The following PLCZ1 variants were observed in gnomAD, a reference collection of about 807,000 sequenced individuals.
The protein encoded by PLCZ1 is 1-phosphatidylinositol 4,5-bisphosphate phosphodiesterase zeta-1.
PLCZ1 carries 64 observed loss-of-function variants against 76.8 expected under a neutral mutation model. The observed-to-expected ratio is 0.83, with a 90% CI of 0.68 to 1.03. The LOEUF is 1.03. PLCZ1 is among the 50% of genes least tolerant of loss of function. The probability of loss-of-function intolerance (pLI) is 0.00; values close to 1 mark genes in which losing one functional copy is unlikely to be tolerated. For missense variants in PLCZ1, 751 were observed against 713.7 expected, an observed-to-expected ratio of 1.05 and a Z score of -0.60; for synonymous variants, 248 against 230.8, an observed-to-expected ratio of 1.07 and a Z score of -0.68.
rs1302217967 is a variant in PLCZ1, at chr12:18,723,434, C to T, written c.244G>A (p.Glu82Lys). 8 of 1,612,998 alleles carry T rather than the reference C, an allele frequency of 5.0e-6. No individual in the cohort carries two copies. Among genetic ancestry groups the T allele is most frequent in the Non-Finnish European group, 6.8e-6 (8 of 1,179,436 alleles). ...CTTGCTAAAAGAATTTTCCGGTTTTCAGAATATGTGTTGAAAATCTCAATA... is the reference window on the plus strand; with the variant it reads ...CTTGCTAAAAGAATTTTCCGGTTTTTAGAATATGTGTTGAAAATCTCAATA... Reference protein sequence around the residue: ...EIIEIFNTYSENRKILLASNL... With the variant: ...EIIEIFNTYSKNRKILLASNL... The change falls in exon 4 of 15, where the codon GAA (glutamate) becomes AAA (lysine). Residue 82 changes from glutamate (E) to lysine (K), a missense_variant. Glu to Lys is a moderately conservative substitution (Grantham distance 56). Coordinates refer to ENST00000266505, the MANE Select transcript of PLCZ1 (RefSeq NM_033123.4).
intron 13 of PLCZ1, among the ~76,000 whole-genome samples, chr12:18,686,156 T>C (rs1393462529): frequency 2.0e-5 from 3 of 151,962 alleles, no homozygotes. Context: ...TGCCACGGCC[T>C]CCTTTATACC....
chr12:18,733,109 C>A (rs1371142458), intron 3 of PLCZ1, among the ~76,000 whole-genome samples: 1 of 152,154 alleles, frequency 6.6e-6, no homozygotes, highest in Non-Finnish European at 1.5e-5. Flanking sequence ...CACATTCCTG[C>A]CAACACTTTT....
chr12:18,737,232 G>T, intron 2 of PLCZ1, 129 bp downstream of exon 2: 1 of 996,274 alleles, frequency 1.0e-6, no homozygotes, highest in Non-Finnish European at 1.6e-6. Flanking sequence ...AGAACAAACA[G>T]GGAAAAGCAG....
At chr12:18,677,745 A>T in the PLCZ1 span, among the ~76,000 whole-genome samples, 11 of 152,260 alleles carry the variant, frequency 7.2e-5, no homozygotes, top group African/African-American at 2.6e-4. Context: ...GTTAAGAACA[A>T]CTGGTCTACA....
At chr12:18,675,878 AG>A in the PLCZ1 span, among the ~76,000 whole-genome samples, 1 of 144,906 alleles carries the variant, frequency 6.9e-6, no homozygotes, top group Non-Finnish European at 1.5e-5. Flanking sequence ...GAAGGGTGGG[AG>A]GGGGGTGAGG....
chr12:18,727,761 G>A (rs1853244758), intron 3 of PLCZ1, among the ~76,000 whole-genome samples: 2 of 152,146 alleles, frequency 1.3e-5, no homozygotes, highest in East Asian at 1.9e-4. Flanking sequence ...AGATTACTCT[G>A]GCAGCAGTGT....
the PLCZ1 span, among the ~76,000 whole-genome samples, chr12:18,660,520 T>C: frequency 6.6e-6 from 1 of 152,022 alleles, no homozygotes; most frequent in Non-Finnish European, 1.5e-5. Context: ...GGACATTAAA[T>C]TAAAAGCAAC....
At chr12:18,685,416 T>A (rs1441041453) in intron 13 of PLCZ1, 17 of 189,740 alleles carry the variant, frequency 9.0e-5, no homozygotes, top group Admixed American at 8.7e-4. Flanking sequence ...TGGAGAAGAA[T>A]CATGTGTATT....
At chr12:18,702,281 C>T (rs1481506153) in intron 7 of PLCZ1, among the ~76,000 whole-genome samples, 1 of 151,926 alleles carries the variant, frequency 6.6e-6, no homozygotes, top group Non-Finnish European at 1.5e-5. Flanking sequence ...TTCTGTATTA[C>T]ACATAAACAT....
chr12:18,705,434 A>G, intron 6 of PLCZ1, 119 bp from the exon 7 acceptor site: 6 of 1,272,462 alleles, frequency 4.7e-6, no homozygotes, highest in South Asian at 1.3e-5. Flanking sequence ...CCTTTGCAAA[A>G]TAACTATTCT....
intron 12 of PLCZ1, among the ~76,000 whole-genome samples, chr12:18,689,885 AG>A (rs144919808): frequency 0.041 from 6,275 of 152,216 alleles, 446 homozygotes; most frequent in African/African-American, 0.14. Context: ...TATCTGAGCA[AG>A]TCATAAAGTA....
chr12:18,650,712 C>CTATCTATA, the PLCZ1 span, among the ~76,000 whole-genome samples: 1 of 14,620 alleles, frequency 6.8e-5, no homozygotes, highest in African/African-American at 2.9e-4. Context: ...GTGTATATAT[C>CTATCTATA]TATATATATA....
chr12:18,650,325 C>CTATA, the PLCZ1 span, among the ~76,000 whole-genome samples: 161 of 74,878 alleles, frequency 2.2e-3, no homozygotes, highest in African/African-American at 4.7e-3. Context: ...CTCTCTCTCT[C>CTATA]TCTCTCTATA....
At chr12:18,715,409 T>C in intron 5 of PLCZ1, among the ~76,000 whole-genome samples, 1 of 151,618 alleles carries the variant, frequency 6.6e-6, no homozygotes, top group East Asian at 1.9e-4. Context: ...GTTTTTTTTT[T>C]GTTTTTTTTA....
rs1592044225 is a variant in PLCZ1, at chr12:18,693,275, C to T, written c.1461+1635G>A. On this transcript the variant is annotated intron_variant, in intron 12 of 14. Transcript: ENST00000266505. Reference sequence around the variant, plus strand: ...CCATGATAGGGGTGCTGATGGATGACATGGATCCCCTGGTCACAGTGATGA... The same window carrying T: ...CCATGATAGGGGTGCTGATGGATGATATGGATCCCCTGGTCACAGTGATGA... The T allele has an allele frequency of 5.9e-6, 9 of 1,517,800 alleles. No individual in the cohort carries two copies. In the East Asian group the frequency reaches 1.8e-4, roughly 30 times the overall value. 94.0% of individuals were successfully genotyped at this position (1,517,800 alleles called of 1,614,324 possible).
chr12:18,689,258 G>A (rs1038311570), intron 12 of PLCZ1, among the ~76,000 whole-genome samples: 7 of 151,838 alleles, frequency 4.6e-5, no homozygotes, highest in African/African-American at 1.2e-4. Context: ...GGTTCAGCTC[G>A]GTGTACCTCA....
the PLCZ1 span, among the ~76,000 whole-genome samples, chr12:18,655,280 A>C: frequency 6.6e-6 from 1 of 152,176 alleles, no homozygotes; most frequent in South Asian, 2.1e-4. Flanking sequence ...GGAAAAAAAT[A>C]TTCCCAAAGA....
At chr12:18,683,438 A>G in intron 14 of PLCZ1, 114 bp from the exon 15 acceptor site, 1 of 1,432,472 alleles carries the variant, frequency 7.0e-7, no homozygotes, top group East Asian at 2.4e-5. Context: ...AACCATGACT[A>G]TAGAGTTATA....
intron 6 of PLCZ1, among the ~76,000 whole-genome samples, chr12:18,711,532 A>AATT (rs1195719317): frequency 4.2e-5 from 6 of 144,176 alleles, no homozygotes; most frequent in African/African-American, 1.6e-4. Context: ...CTTAAAGTAT[A>AATT]ATAATAATAA....
Sources: gnomAD v4.1 joint callset for allele counts (sites outside exome capture counted in the v4.1 genomes callset) on GRCh38, gnomAD v4.1.1 for gene constraint, MANE v1.5 for transcripts, NCBI Gene and HGNC (gene_info 2026-07-23, HGNC 2026-07-21) for gene names.